The following GULP1 variants were observed in gnomAD, a reference collection of about 807,000 sequenced individuals.
GULP1 encodes the protein PTB domain-containing engulfment adapter protein 1.
Under a neutral mutation model 40.9 loss-of-function variants are expected in GULP1, and 19 were observed. The ratio of observed to expected loss-of-function variants is 0.46; its 90% CI spans 0.32 to 0.68. GULP1 has a LOEUF of 0.68. GULP1 is among the 30% of genes least tolerant of loss of function. The probability of loss-of-function intolerance (pLI) is 0.03; values close to 1 mark genes in which losing one functional copy is unlikely to be tolerated. For synonymous variants in GULP1, 119 were observed against 117.6 expected (o/e 1.01, Z -0.08); for missense variants, 312 against 362.2 (o/e 0.86, Z 1.12).
intron 10 of GULP1, among the ~76,000 whole-genome samples, chr2:188,587,038 A>G: frequency 6.6e-6 from 1 of 152,134 alleles, no homozygotes. Context: ...TAATTTTCAT[A>G]TATAGTGTAA....
intron 7 of GULP1, among the ~76,000 whole-genome samples, chr2:188,551,772 A>G (rs1244425207): frequency 6.6e-6 from 1 of 151,688 alleles, no homozygotes; most frequent in African/African-American, 2.4e-5. Flanking sequence ...TAGTAGCTTT[A>G]GTAGTTTACA....
intron 2 of GULP1, among the ~76,000 whole-genome samples, chr2:188,429,441 T>C (rs2152810242): frequency 6.6e-6 from 1 of 152,082 alleles, no homozygotes; most frequent in Non-Finnish European, 1.5e-5. Flanking sequence ...CAGAGGTTGC[T>C]GTGAGCCAAG....
intron 7 of GULP1, among the ~76,000 whole-genome samples, chr2:188,563,469 A>G (rs1042908121): frequency 6.6e-6 from 1 of 150,520 alleles, no homozygotes; most frequent in African/African-American, 2.4e-5. Flanking sequence ...AAATCTGAAT[A>G]TATAAAATTA....
At chr2:188,534,289 T>G (rs1216384714) in intron 6 of GULP1, among the ~76,000 whole-genome samples, 2 of 147,226 alleles carry the variant, frequency 1.4e-5, no homozygotes, top group Admixed American at 6.7e-5. Context: ...ACATACATCA[T>G]TGGAACACTA....
At chr2:188,469,587 AAG>A (rs2060419019) in intron 2 of GULP1, among the ~76,000 whole-genome samples, 1 of 152,146 alleles carries the variant, frequency 6.6e-6, no homozygotes, top group Non-Finnish European at 1.5e-5. Flanking sequence ...GAGCAGGAGC[AAG>A]AGAGAGTGAA....
At chr2:188,382,255 C>G (rs1464868718) in intron 1 of GULP1, among the ~76,000 whole-genome samples, 2 of 152,088 alleles carry the variant, frequency 1.3e-5, no homozygotes, top group Non-Finnish European at 2.9e-5. Context: ...GGGAGCAACC[C>G]TCAGCTAATG....
intron 4 of GULP1, among the ~76,000 whole-genome samples, chr2:188,510,849 G>A (rs1487581791): frequency 6.6e-6 from 1 of 151,536 alleles, no homozygotes; most frequent in African/African-American, 2.4e-5. Flanking sequence ...GTATGTGTTG[G>A]TAAGGATTGT....
chr2:188,552,270 AG>A (rs1248168837), intron 7 of GULP1, among the ~76,000 whole-genome samples: 1 of 151,550 alleles, frequency 6.6e-6, no homozygotes, highest in Admixed American at 6.6e-5. Flanking sequence ...AGTTTTCCTT[AG>A]ATTTTCTTTT....
At chr2:188,516,563 T>A (rs2065193319) in intron 4 of GULP1, among the ~76,000 whole-genome samples, 1 of 152,134 alleles carries the variant, frequency 6.6e-6, no homozygotes, top group Non-Finnish European at 1.5e-5. Flanking sequence ...TATCCTTTAG[T>A]TTTTCCTCTT....
chr2:188,308,911 C>T (rs932982591), intron 1 of GULP1, among the ~76,000 whole-genome samples: 7 of 152,040 alleles, frequency 4.6e-5, no homozygotes, highest in Non-Finnish European at 8.8e-5. Flanking sequence ...TTTCATGGAG[C>T]TTTTTCTTGT....
chr2:188,357,368 C>A (rs1314845922), intron 1 of GULP1, among the ~76,000 whole-genome samples: 1 of 151,990 alleles, frequency 6.6e-6, no homozygotes, highest in Non-Finnish European at 1.5e-5. Context: ...ACAAATAATC[C>A]CTTTTTAAAA....
Position 188,435,655 on chromosome 2 carries a change from T to A in GULP1, c.-44-42004T>A, listed in dbSNP as rs557453889. On this transcript the variant is annotated intron_variant, in intron 2 of 11. Coordinates refer to ENST00000409830, the MANE Select transcript of GULP1 (RefSeq NM_016315.4). The stretch of plus-strand genomic sequence containing the variant: ...GTATCACCAGGCTGAAATAAAGGAG[T>A]TTTCTGGGCTGTATTCTCATCTGTG... 3.3e-5 allele frequency among the ~76,000 whole-genome samples: 5 copies of A among 151,928 alleles called. No individual in the cohort carries two copies. In the South Asian group the frequency reaches 1.0e-3, roughly 32 times the overall value.
At chr2:188,318,035 A>C (rs1486509247) in intron 1 of GULP1, among the ~76,000 whole-genome samples, 1 of 152,074 alleles carries the variant, frequency 6.6e-6, no homozygotes, top group African/African-American at 2.4e-5. Flanking sequence ...GAGTGAAAAA[A>C]CTTTTGATAC....
intron 2 of GULP1, among the ~76,000 whole-genome samples, chr2:188,425,381 G>A (rs987200519): frequency 1.3e-5 from 2 of 152,030 alleles, no homozygotes; most frequent in African/African-American, 4.8e-5. Context: ...ATTTTAATTA[G>A]TGGAGTCTCC....
rs1424326527 is a variant in GULP1 at position 188,323,694 on chromosome 2, G to A, written c.-172+31528G>A. On this transcript the variant is annotated intron_variant, in intron 1 of 11. Coordinates refer to ENST00000409830, the MANE Select transcript of GULP1 (RefSeq NM_016315.4). ...TGTGTGTGTGTGTGTGTGTGTATGT[G>A]TGTACAAAGTTAGGGAAAGGGAAGT... 4.1e-5 allele frequency among the ~76,000 whole-genome samples: 6 copies of A among 146,810 alleles called. No homozygotes were observed. The East Asian group carries it at 1.2e-3, about 29-fold the overall frequency.
At chr2:188,364,215 G>A (rs578171061) in intron 1 of GULP1, among the ~76,000 whole-genome samples, 1 of 152,172 alleles carries the variant, frequency 6.6e-6, no homozygotes, top group South Asian at 2.1e-4. Flanking sequence ...AAATCCCTGG[G>A]AAATCCCGTT....
At chr2:188,322,640 A>G (rs2040158660) in intron 1 of GULP1, among the ~76,000 whole-genome samples, 1 of 152,080 alleles carries the variant, frequency 6.6e-6, no homozygotes, top group Non-Finnish European at 1.5e-5. Context: ...TGTTTTATAA[A>G]GGTTTATTTT....
intron 3 of GULP1, among the ~76,000 whole-genome samples, chr2:188,481,660 A>G (rs1245061534): frequency 6.6e-6 from 1 of 151,918 alleles, no homozygotes; most frequent in Non-Finnish European, 1.5e-5. Context: ...AGAAATTATT[A>G]ATACCTCTCT....
intron 11 of GULP1, chr2:188,589,953 C>A: frequency 3.1e-6 from 1 of 326,038 alleles, no homozygotes; most frequent in Non-Finnish European, 5.4e-6. Context: ...GCATTGTTCA[C>A]TTCATTGTTT....
Sources: allele counts gnomAD v4.1 joint callset (sites outside exome capture counted in the v4.1 genomes callset), GRCh38; gene constraint gnomAD v4.1.1; transcripts MANE v1.5; gene names NCBI Gene and HGNC (gene_info 2026-07-23, HGNC 2026-07-21).